CWF19L2: variants seen among roughly 807,000 people sequenced by gnomAD.
CWF19L2 encodes CWF19-like protein 2.
In CWF19L2, 98 loss-of-function variants were observed where a neutral mutation model predicts 111.7. That is an observed-to-expected ratio of 0.88 (90% CI 0.75 to 1.04). The LOEUF (loss-of-function observed/expected upper bound fraction) is 1.04, where lower values mean the gene tolerates loss of function less well. CWF19L2 is among the 50% of genes least tolerant of loss of function. The pLI is 0.00. For synonymous variants in CWF19L2, 351 were observed against 342.9 expected (o/e 1.02, Z -0.26); for missense variants, 1,101 against 1,051.4 (o/e 1.05, Z -0.65).
In CWF19L2 at chr11:107,433,773, G is replaced by C. The variant is rs997317407; in HGVS notation, c.665-24C>G. ...AACTAAATTCCAGTATTAAATATTA[G>C]TTATACTTTTAATGTGGTTATCATA... On this transcript the variant is annotated intron_variant, in intron 6 of 17. Transcript: ENST00000282251. 41 of 1,175,380 alleles carry C rather than the reference G, an allele frequency of 3.5e-5. No homozygotes were observed. In the East Asian group the frequency reaches 1.1e-3, roughly 31 times the overall value. The allele number at this position is 1,175,380 out of a possible 1,614,324, so 72.8% of individuals were successfully genotyped here.
At chr11:107,448,809 C>G (rs1316916680) in intron 3 of CWF19L2, among the ~76,000 whole-genome samples, 2 of 152,068 alleles carry the variant, frequency 1.3e-5, no homozygotes, top group Non-Finnish European at 2.9e-5. Flanking sequence ...GGAACTGAAC[C>G]CTCATCAGAC....
At chr11:107,457,640 AGTG>A in intron 1 of CWF19L2, 69 bp downstream of exon 1, 5 of 1,085,378 alleles carry the variant, frequency 4.6e-6, no homozygotes, top group Non-Finnish European at 6.9e-6. Context: ...GGAAGGGGTG[AGTG>A]GGCTAGCTTA....
At chr11:107,402,854 G>A (rs953326220) in intron 10 of CWF19L2, among the ~76,000 whole-genome samples, 23 of 109,060 alleles carry the variant, frequency 2.1e-4, no homozygotes, top group African/African-American at 8.6e-4. Flanking sequence ...TCAACGAGTG[G>A]ATAAACAAAC....
At chr11:107,440,653 G>T (rs1201212465) in intron 5 of CWF19L2, among the ~76,000 whole-genome samples, 2 of 152,076 alleles carry the variant, frequency 1.3e-5, no homozygotes, top group Non-Finnish European at 2.9e-5. Context: ...CAAATTATGA[G>T]ATACTATCTG....
intron 11 of CWF19L2, among the ~76,000 whole-genome samples, chr11:107,392,075 A>G (rs1860856403): frequency 6.7e-6 from 1 of 148,960 alleles, no homozygotes; most frequent in South Asian, 2.1e-4. Context: ...TCCTCCCATT[A>G]CATTAGAAGA....
At chr11:107,408,204 T>C (rs1453311806) in intron 10 of CWF19L2, among the ~76,000 whole-genome samples, 1 of 152,028 alleles carries the variant, frequency 6.6e-6, no homozygotes, top group Non-Finnish European at 1.5e-5. Context: ...ATATAATTAA[T>C]CTTATTTGTA....
At position 107,367,560 on chromosome 11, in the gene CWF19L2, A is replaced by G. The variant is rs1380659501; in HGVS notation, c.1873-13824T>C. Among the ~76,000 whole-genome samples the G allele has an allele frequency of 8.4e-5, 11 of 130,452 alleles. 3 individuals carry two copies. The highest frequency in any genetic ancestry group is 2.7e-4 in the South Asian group (1 of 3,678). The allele number at this position is 130,452 out of a possible 152,430, so 85.6% of individuals were successfully genotyped here. On this transcript the variant is annotated intron_variant, in intron 12 of 17. Transcript: ENST00000282251. ...GATGAAATCGGAAATCATCATTCTC[A>G]GTAAACTATTGCAAGAACAAAAAAC...
At position 107,369,943 on chromosome 11, in the gene CWF19L2, C is replaced by T. The variant is rs1195362171; in HGVS notation, c.1873-16207G>A. 2.2e-5 allele frequency among the ~76,000 whole-genome samples: 3 copies of T among 137,970 alleles called. 1 individual carries two copies. Among genetic ancestry groups the T allele is most frequent in the Non-Finnish European group, 4.7e-5 (3 of 64,258 alleles). The allele number at this position is 137,970 out of a possible 152,430, so 90.5% of individuals were successfully genotyped here. On this transcript the variant is annotated intron_variant, in intron 12 of 17. Transcript: ENST00000282251. ...TCTTTTTTAGAGACGGGATCTCACT[C>T]TGTAGCCCAGGCTGGAGTGCAGTGT...
Position 107,428,829 on chromosome 11 carries a change from T to C in CWF19L2, c.1403A>G (p.His468Arg), listed in dbSNP as rs2135408585. Residue 468 changes from histidine (H) to arginine (R), a missense_variant, in exon 8 of 18, where the codon CAT (histidine) becomes CGT (arginine). Physicochemically the swap from His to Arg is conservative, Grantham distance 29. Coordinates refer to ENST00000282251, the MANE Select transcript of CWF19L2 (RefSeq NM_152434.3). ...VLRDDPPKKE[H>R]LRDTKSTFAG... Reference sequence around the variant, plus strand: ...AAATGTAGACTTTGTATCCCGTAGATGTTCTTTTTTTGGAGGGTCATCTCT... The same window carrying C: ...AAATGTAGACTTTGTATCCCGTAGACGTTCTTTTTTTGGAGGGTCATCTCT... The C allele has an allele frequency of 2.5e-6, 4 of 1,611,980 alleles. No homozygotes were observed. The East Asian group carries it at 8.9e-5, about 36-fold the overall frequency.
intron 14 of CWF19L2, among the ~76,000 whole-genome samples, chr11:107,343,963 C>G (rs1489498145): frequency 6.6e-6 from 1 of 152,140 alleles, no homozygotes; most frequent in Non-Finnish European, 1.5e-5. Context: ...GCTTGTAATT[C>G]CAGCACTTTG....
At position 107,403,813 on chromosome 11, in the gene CWF19L2, G is replaced by A. The variant is rs537879597; in HGVS notation, c.1618-10918C>T. 84 of 849,888 alleles carry A rather than the reference G, an allele frequency of 9.9e-5. No individual in the cohort carries two copies. In the African/African-American group the frequency reaches 1.1e-3, roughly 11 times the overall value. The allele number at this position is 849,888 out of a possible 1,614,324, so 52.6% of individuals were successfully genotyped here. ...CCATATCCACTTCTACTGTCAGACC[G>A]CACAACCTTTTAAGTTCATTGTTAA... On this transcript the variant is annotated intron_variant, in intron 10 of 17. Transcript: ENST00000282251.
chr11:107,447,172 T>A (rs1437092367), intron 3 of CWF19L2, among the ~76,000 whole-genome samples: 2 of 152,228 alleles, frequency 1.3e-5, no homozygotes, highest in Admixed American at 1.3e-4. Flanking sequence ...TACAGCTTTT[T>A]ATCTAAAGGC....
At chr11:107,445,344 G>A (rs980807426) in intron 3 of CWF19L2, among the ~76,000 whole-genome samples, 2 of 152,056 alleles carry the variant, frequency 1.3e-5, no homozygotes, top group South Asian at 2.1e-4. Flanking sequence ...GGTGGCTCAC[G>A]CCTGTAATCC....
At chr11:107,453,272 T>C (rs1277982645) in intron 3 of CWF19L2, among the ~76,000 whole-genome samples, 1 of 152,118 alleles carries the variant, frequency 6.6e-6, no homozygotes, top group Non-Finnish European at 1.5e-5. Context: ...GTGGAATTCC[T>C]TGGTGACTCC....
chr11:107,346,134 T>A (rs572012604), intron 14 of CWF19L2, among the ~76,000 whole-genome samples: 1 of 152,166 alleles, frequency 6.6e-6, no homozygotes, highest in Non-Finnish European at 1.5e-5. Flanking sequence ...CAAGTACATA[T>A]GAATACATAA....
chr11:107,413,503 AG>A (rs1861186632), intron 10 of CWF19L2, among the ~76,000 whole-genome samples: 1 of 152,216 alleles, frequency 6.6e-6, no homozygotes, highest in Admixed American at 6.5e-5. Flanking sequence ...GCTATGCTGC[AG>A]GAAGATCTGG....
intron 12 of CWF19L2, among the ~76,000 whole-genome samples, chr11:107,387,979 G>A (rs1591178192): frequency 6.6e-6 from 1 of 152,028 alleles, no homozygotes; most frequent in Non-Finnish European, 1.5e-5. Flanking sequence ...AGTCACACTT[G>A]TCTTTTTGCA....
intron 14 of CWF19L2, among the ~76,000 whole-genome samples, chr11:107,339,290 G>C (rs1859971689): frequency 6.6e-6 from 1 of 152,098 alleles, no homozygotes; most frequent in African/African-American, 2.4e-5. Context: ...AAGCTGCTAT[G>C]AACATTTGTG....
intron 12 of CWF19L2, among the ~76,000 whole-genome samples, chr11:107,387,482 A>C (rs1860787317): frequency 1.3e-5 from 2 of 150,732 alleles, no homozygotes; most frequent in Admixed American, 6.6e-5. Flanking sequence ...AACAAAAAAA[A>C]CCTTCAAATG....
Sources: allele counts gnomAD v4.1 joint callset (sites outside exome capture counted in the v4.1 genomes callset), GRCh38; gene constraint gnomAD v4.1.1; transcripts MANE v1.5; gene names NCBI Gene and HGNC (gene_info 2026-07-23, HGNC 2026-07-21).